The following NOX3 variants were observed in gnomAD, a reference collection of about 807,000 sequenced individuals.
NOX3 encodes NADPH oxidase catalytic subunit-like 3.
In NOX3, 74 loss-of-function variants were observed where a neutral mutation model predicts 76.7. The ratio of observed to expected loss-of-function variants is 0.96; its 90% CI spans 0.80 to 1.17. The LOEUF (loss-of-function observed/expected upper bound fraction) is 1.17. Among genes scored for constraint, NOX3 ranks in the 50% most tolerant of loss-of-function variants. The pLI is 0.00. For missense variants in NOX3, 695 were observed against 703.3 expected, an observed-to-expected ratio of 0.99 and a Z score of 0.13; for synonymous variants, 263 against 261.1, an observed-to-expected ratio of 1.01 and a Z score of -0.07.
rs1166204376 is a variant in NOX3 at position 155,445,979 on chromosome 6, TG to T, written c.341-2562del. Among the ~76,000 whole-genome samples the T allele has an allele frequency of 5.7e-3, 381 of 67,308 alleles. 3 individuals are homozygous for T. The highest frequency in any genetic ancestry group is 0.022 in the African/African-American group (366 of 16,544). 44.2% of individuals were successfully genotyped at this position (67,308 alleles called of 152,430 possible). On this transcript the variant is annotated intron_variant, in intron 4 of 13. Coordinates refer to ENST00000159060, the MANE Select transcript of NOX3 (RefSeq NM_015718.3). ...ATGCTATATATATATAATATATATA[TG>T]CTATATATATATATATAATATATAT... is the stretch of plus-strand genomic sequence containing the variant.
intron 4 of NOX3, among the ~76,000 whole-genome samples, chr6:155,444,630 C>T (rs577751446): frequency 1.3e-5 from 2 of 152,292 alleles, no homozygotes; most frequent in South Asian, 4.1e-4. Flanking sequence ...AGAAAAAAGA[C>T]ATTTGTGCTA....
rs139423240 is a variant in NOX3, at chr6:155,416,907, C to T, written c.1309-5547G>A. Among the ~76,000 whole-genome samples, 1,513 of 152,030 alleles carry T rather than the reference C, an allele frequency of 1.0e-2. 23 individuals carry two copies. Among genetic ancestry groups the T allele is most frequent in the African/African-American group, 0.035 (1,431 of 41,450 alleles). On this transcript the variant is annotated intron_variant, in intron 10 of 13. Coordinates refer to ENST00000159060, the MANE Select transcript of NOX3 (RefSeq NM_015718.3). ...CTGGGATTACAGGCACCTGACACCA[C>T]GCCCGGCTAATTTTTGTATTTTTAG...
intron 3 of NOX3, among the ~76,000 whole-genome samples, chr6:155,454,501 T>C (rs183860337): frequency 6.6e-6 from 1 of 152,374 alleles, no homozygotes; most frequent in East Asian, 1.9e-4. Flanking sequence ...CTTATCTGTC[T>C]TCTTTCAGTC....
At chr6:155,414,177 C>T (rs1245900788) in intron 10 of NOX3, among the ~76,000 whole-genome samples, 4 of 152,114 alleles carry the variant, frequency 2.6e-5, no homozygotes, top group Non-Finnish European at 5.9e-5. Context: ...GTGTTTCAGG[C>T]AGAAAAAGAA....
intron 7 of NOX3, among the ~76,000 whole-genome samples, chr6:155,435,675 GCCA>G (rs1315293148): frequency 6.6e-6 from 1 of 152,032 alleles, no homozygotes; most frequent in Admixed American, 6.6e-5. Context: ...CTGTTTATCT[GCCA>G]GATGCATTTA....
At chr6:155,454,220 A>C (rs910978045) in intron 3 of NOX3, among the ~76,000 whole-genome samples, 1 of 152,210 alleles carries the variant, frequency 6.6e-6, no homozygotes, top group Non-Finnish European at 1.5e-5. Flanking sequence ...TCTGAGAAGA[A>C]CAATAAGGGG....
intron 4 of NOX3, among the ~76,000 whole-genome samples, chr6:155,451,786 A>T (rs1453843275): frequency 6.6e-6 from 1 of 151,834 alleles, no homozygotes; most frequent in Non-Finnish European, 1.5e-5. Context: ...CACCACGCCC[A>T]GCTAATATTT....
Position 155,407,216 on chromosome 6 carries a change from G to A in NOX3, c.1494C>T (p.Asp498=), listed in dbSNP as rs745800906. The change falls in exon 12 of 14, where the codon GAC becomes GAT. Residue 498 remains aspartate (D), a synonymous_variant. Transcript: ENST00000159060. Reference sequence around the variant, plus strand: ...TCTTCTGCTTTAAGCCTGTAATCACGTCAGTATTTTCGTCCCAGTGTAAAG... The same window carrying A: ...TCTTCTGCTTTAAGCCTGTAATCACATCAGTATTTTCGTCCCAGTGTAAAG... ...HIALHWDENT[D]VITGLKQKTF... 30 of 1,613,718 alleles carry A rather than the reference G, an allele frequency of 1.9e-5. No homozygotes were observed. Among genetic ancestry groups the A allele is most frequent in the East Asian group, 2.2e-5 (1 of 44,874 alleles).
At chr6:155,413,356 C>T (rs1270071620) in intron 10 of NOX3, among the ~76,000 whole-genome samples, 1 of 151,632 alleles carries the variant, frequency 6.6e-6, no homozygotes, top group African/African-American at 2.4e-5. Flanking sequence ...GAGGGGAGGG[C>T]TGGGGGAGCC....
intron 10 of NOX3, among the ~76,000 whole-genome samples, chr6:155,419,740 G>A (rs546649853): frequency 2.0e-5 from 3 of 152,280 alleles, no homozygotes; most frequent in African/African-American, 7.2e-5. Context: ...ATGGAATGCT[G>A]AGAAAGGAGG....
At chr6:155,450,775 A>C (rs779866996) in intron 4 of NOX3, among the ~76,000 whole-genome samples, 1 of 152,062 alleles carries the variant, frequency 6.6e-6, no homozygotes, top group African/African-American at 2.4e-5. Context: ...GGTGTGCCCA[A>C]GGGGAAAAGC....
chr6:155,404,516 G>A (rs1411688898), intron 12 of NOX3, among the ~76,000 whole-genome samples: 1 of 152,182 alleles, frequency 6.6e-6, no homozygotes, highest in Admixed American at 6.5e-5. Flanking sequence ...AAGTCTCCAA[G>A]GCCACTGCCA....
At chr6:155,416,741 A>G (rs1291391957) in intron 10 of NOX3, among the ~76,000 whole-genome samples, 1 of 100,132 alleles carries the variant, frequency 1.0e-5, no homozygotes, top group African/African-American at 4.4e-5. Context: ...CATCTGAAAC[A>G]TTCTTTTTTT....
At chr6:155,433,093 T>A (rs142378421) in intron 7 of NOX3, among the ~76,000 whole-genome samples, 34 of 152,344 alleles carry the variant, frequency 2.2e-4, no homozygotes, top group African/African-American at 7.7e-4. Context: ...ACAAACTTCA[T>A]TTTGGTGATG....
At chr6:155,452,420 G>A (rs572845142) in intron 4 of NOX3, among the ~76,000 whole-genome samples, 9 of 152,072 alleles carry the variant, frequency 5.9e-5, no homozygotes, top group African/African-American at 2.2e-4. Context: ...TCTAGGACAC[G>A]ATGTCTTTTT....
In NOX3 at chr6:155,428,817, G is replaced by C; in HGVS notation, c.1122C>G (p.Leu374=). 2.0e-6 allele frequency: 3 copies of C among 1,537,224 alleles called. No individual in the cohort carries two copies. The highest frequency in any genetic ancestry group is 2.6e-6 in the Non-Finnish European group (3 of 1,137,846). Residue 374 remains leucine (L), a synonymous_variant, in exon 9 of 14, where the codon CTC becomes CTG. Transcript: ENST00000159060. ...LEAFGAEGQA[L]QEPWSLPRLA... ...ACCTTGGCAGGCTCCAGGGCTCCTG[G>C]AGGGCCTGTCCCTCTGCCCCAAAGG...
At chr6:155,405,178 G>A (rs1776428921) in intron 12 of NOX3, among the ~76,000 whole-genome samples, 1 of 152,180 alleles carries the variant, frequency 6.6e-6, no homozygotes, top group Non-Finnish European at 1.5e-5. Flanking sequence ...AGGCTTTGAA[G>A]GATGCAAGAC....
rs567650143 is a variant in NOX3 at position 155,403,215 on chromosome 6, A to C, written c.1580+3915T>G. On this transcript the variant is annotated intron_variant, in intron 12 of 13. Coordinates refer to ENST00000159060, the MANE Select transcript of NOX3 (RefSeq NM_015718.3). ...CCGAGATTTCTTCATTAAAAGCTTCATTAAACATAAATCTCCTTTTACACA... is the reference window on the plus strand; with the variant it reads ...CCGAGATTTCTTCATTAAAAGCTTCCTTAAACATAAATCTCCTTTTACACA... 4.6e-5 allele frequency among the ~76,000 whole-genome samples: 7 copies of C among 152,356 alleles called. No homozygotes were observed. In the South Asian group the frequency reaches 1.2e-3, roughly 27 times the overall value.
At chr6:155,423,630 ATTC>A (rs1776719116) in intron 9 of NOX3, among the ~76,000 whole-genome samples, 1 of 152,008 alleles carries the variant, frequency 6.6e-6, no homozygotes, top group Admixed American at 6.6e-5. Flanking sequence ...AGATATTAAT[ATTC>A]TTAAAATATT....
Sources: gnomAD v4.1 joint callset for allele counts (sites outside exome capture counted in the v4.1 genomes callset) on GRCh38, gnomAD v4.1.1 for gene constraint, MANE v1.5 for transcripts, NCBI Gene and HGNC (gene_info 2026-07-23, HGNC 2026-07-21) for gene names.